The following SEMA6A variants were observed in gnomAD, a reference collection of about 807,000 sequenced individuals.
SEMA6A encodes semaphorin 6A.
A neutral mutation model predicts 96.8 loss-of-function variants in SEMA6A; 25 were observed. That is an observed-to-expected ratio of 0.26 (90% CI 0.19 to 0.36). SEMA6A has a LOEUF of 0.36. Ranked by LOEUF, SEMA6A falls within the 10% of genes least tolerant of loss-of-function variation. SEMA6A has a pLI of 1.00. For synonymous variants in SEMA6A, 612 were observed against 518.0 expected (o/e 1.18, Z -2.46); for missense variants, 1,363 against 1,323.1 (o/e 1.03, Z -0.47).
intron 1 of SEMA6A, among the ~76,000 whole-genome samples, chr5:116,537,187 G>T (rs1040708630): frequency 6.6e-6 from 1 of 152,164 alleles, no homozygotes; most frequent in African/African-American, 2.4e-5. Context: ...TGCAGCATGT[G>T]TTCATAATAA....
chr5:116,571,178 A>T (rs892253087), intron 1 of SEMA6A, among the ~76,000 whole-genome samples: 2 of 152,126 alleles, frequency 1.3e-5, no homozygotes, highest in African/African-American at 4.8e-5. Flanking sequence ...ACCATGTGTG[A>T]CTATTTATTT....
intron 3 of SEMA6A, among the ~76,000 whole-genome samples, chr5:116,497,925 C>T (rs1219943160): frequency 6.6e-6 from 1 of 152,212 alleles, no homozygotes; most frequent in South Asian, 2.1e-4. Flanking sequence ...CCAGAAGCCA[C>T]TCTTTTCCCT....
At position 116,467,691 on chromosome 5, in the gene SEMA6A, C is replaced by G; in HGVS notation, c.1786G>C (p.Gly596Arg). 6.8e-6 allele frequency: 11 copies of G among 1,613,802 alleles called. No individual in the cohort carries two copies. The highest frequency in any genetic ancestry group is 9.3e-6 in the Non-Finnish European group (11 of 1,179,822). The part of the protein sequence containing the change: ...TTTSDSTAQE[G>R]YESRGGMLDW... ...AGCATTCCTCCCCTAGACTCATACC[C>G]CTCTTGAGCCGTCGAATCTGATGTG... The change falls in exon 18 of 19, where the codon GGG (glycine) becomes CGG (arginine). Residue 596 changes from glycine (G) to arginine (R), a missense_variant. By Grantham distance (125) the Gly-to-Arg change is moderately radical. Transcript: ENST00000343348.
chr5:116,534,812 G>A (rs1024143950), intron 1 of SEMA6A, among the ~76,000 whole-genome samples: 1 of 152,176 alleles, frequency 6.6e-6, no homozygotes, highest in Non-Finnish European at 1.5e-5. Flanking sequence ...GAATGGGCAC[G>A]TTATTACTGA....
intron 18 of SEMA6A, among the ~76,000 whole-genome samples, chr5:116,457,837 AT>A (rs1755111777): frequency 1.3e-5 from 2 of 152,060 alleles, no homozygotes; most frequent in Admixed American, 6.6e-5. Flanking sequence ...GCAAGAGTTT[AT>A]CTATTACTTG....
At chr5:116,572,103 C>G (rs1316350004) in intron 1 of SEMA6A, among the ~76,000 whole-genome samples, 1 of 152,140 alleles carries the variant, frequency 6.6e-6, no homozygotes, top group African/African-American at 2.4e-5. Context: ...CCTGGCAAGA[C>G]TTAAAAACCA....
At chr5:116,490,070 C>T (rs1214556331) in intron 7 of SEMA6A, among the ~76,000 whole-genome samples, 4 of 152,034 alleles carry the variant, frequency 2.6e-5, no homozygotes, top group Non-Finnish European at 4.4e-5. Flanking sequence ...TAAAAAAACT[C>T]ATATCCAAAT....
chr5:116,553,032 C>T (rs1760479341), intron 1 of SEMA6A, among the ~76,000 whole-genome samples: 1 of 152,156 alleles, frequency 6.6e-6, no homozygotes, highest in Non-Finnish European at 1.5e-5. Context: ...CCAAAGGACA[C>T]TTCTCCATTT....
intron 1 of SEMA6A, chr5:116,562,811 T>A: frequency 2.8e-6 from 2 of 717,502 alleles, no homozygotes; most frequent in African/African-American, 3.5e-5. Flanking sequence ...GGCTCAGAGG[T>A]GCAAGGAACT....
chr5:116,531,983 A>G (rs1759497903), intron 1 of SEMA6A, among the ~76,000 whole-genome samples: 1 of 152,176 alleles, frequency 6.6e-6, no homozygotes, highest in South Asian at 2.1e-4. Flanking sequence ...ATAGGGGAAC[A>G]ACACAGAGGT....
At chr5:116,572,920 G>A (rs1319708006) in intron 1 of SEMA6A, among the ~76,000 whole-genome samples, 1 of 152,212 alleles carries the variant, frequency 6.6e-6, no homozygotes, top group African/African-American at 2.4e-5. Context: ...GCTGTAAAGT[G>A]GGAGGAGGCG....
intron 1 of SEMA6A, among the ~76,000 whole-genome samples, chr5:116,534,395 G>A (rs1228961698): frequency 1.3e-5 from 2 of 152,174 alleles, no homozygotes; most frequent in East Asian, 3.8e-4. Context: ...CAACTCTGAT[G>A]CTCAGCTCCG....
intron 12 of SEMA6A, among the ~76,000 whole-genome samples, chr5:116,479,845 G>A (rs1756661056): frequency 6.6e-6 from 1 of 152,140 alleles, no homozygotes; most frequent in Non-Finnish European, 1.5e-5. Flanking sequence ...TTTTTGCACA[G>A]ATTGGATCAA....
intron 1 of SEMA6A, among the ~76,000 whole-genome samples, chr5:116,523,726 T>C (rs1390558581): frequency 2.0e-5 from 3 of 152,304 alleles, no homozygotes; most frequent in Admixed American, 2.0e-4. Context: ...AAATTAAAGA[T>C]GTCTGTGTTC....
intron 1 of SEMA6A, among the ~76,000 whole-genome samples, chr5:116,542,399 C>A (rs975473897): frequency 1.3e-5 from 2 of 152,058 alleles, no homozygotes; most frequent in African/African-American, 4.8e-5. Flanking sequence ...CCATGAGATC[C>A]CTCCCCGACC....
At chr5:116,561,185 G>A (rs1200994540) in intron 1 of SEMA6A, among the ~76,000 whole-genome samples, 1 of 152,174 alleles carries the variant, frequency 6.6e-6, no homozygotes, top group Non-Finnish European at 1.5e-5. Flanking sequence ...CTAGAGGGTT[G>A]TGATAAGATG....
chr5:116,530,312 G>C (rs1759409560), intron 1 of SEMA6A, among the ~76,000 whole-genome samples: 1 of 152,118 alleles, frequency 6.6e-6, no homozygotes, highest in East Asian at 1.9e-4. Context: ...TTCCAGTCTT[G>C]TAGTTATGTA....
chr5:116,478,784 C>T, intron 12 of SEMA6A, 66 bp from the exon 13 acceptor site: 1 of 1,479,796 alleles, frequency 6.8e-7, no homozygotes, highest in African/African-American at 1.4e-5. Flanking sequence ...CCCTGTTCCA[C>T]TTCAAACAGC....
chr5:116,519,910 G>A (rs1758855260), intron 1 of SEMA6A, among the ~76,000 whole-genome samples: 2 of 151,808 alleles, frequency 1.3e-5, no homozygotes, highest in South Asian at 4.2e-4. Flanking sequence ...CTTCCACTTG[G>A]CCCTCCTTCA....
Sources: gnomAD v4.1 joint callset for allele counts (sites outside exome capture counted in the v4.1 genomes callset) on GRCh38, gnomAD v4.1.1 for gene constraint, MANE v1.5 for transcripts, NCBI Gene and HGNC (gene_info 2026-07-23, HGNC 2026-07-21) for gene names.